The following ANO10 variants were observed in gnomAD, a reference collection of about 807,000 sequenced individuals.
ANO10 encodes the protein anoctamin 10, also known as anoctamin-10.
In ANO10, 77 loss-of-function variants were observed where a neutral mutation model predicts 74.7. The ratio of observed to expected loss-of-function variants is 1.03; its 90% CI spans 0.86 to 1.25. ANO10 has a LOEUF of 1.25. Ranked by LOEUF, ANO10 falls within the 50% of genes most tolerant of loss-of-function variation. ANO10 has a pLI of 0.00. For synonymous variants in ANO10, 279 were observed against 284.9 expected (o/e 0.98, Z 0.21); for missense variants, 721 against 778.1 (o/e 0.93, Z 0.87).
chr3:43,460,028 C>G (rs1014979365), intron 11 of ANO10, among the ~76,000 whole-genome samples: 2 of 152,036 alleles, frequency 1.3e-5, no homozygotes, highest in African/African-American at 4.8e-5. Context: ...CTCTCATATC[C>G]ATTTGGAGAG....
At chr3:43,558,933 C>T (rs1048991078) in intron 9 of ANO10, among the ~76,000 whole-genome samples, 2 of 152,156 alleles carry the variant, frequency 1.3e-5, no homozygotes, top group Non-Finnish European at 2.9e-5. Flanking sequence ...GCACTGTAAA[C>T]CCTAGAGTTC....
chr3:43,434,888 A>T (rs532215696), intron 11 of ANO10, among the ~76,000 whole-genome samples: 5 of 152,244 alleles, frequency 3.3e-5, no homozygotes, highest in Non-Finnish European at 5.9e-5. Flanking sequence ...TGCCATTTTA[A>T]ACATTTGCAT....
At chr3:43,620,687 C>T (rs1438810407) in intron 1 of ANO10, among the ~76,000 whole-genome samples, 2 of 152,142 alleles carry the variant, frequency 1.3e-5, no homozygotes, top group African/African-American at 4.8e-5. Context: ...ATCGCTTGAA[C>T]CCGAGAGGCG....
intron 12 of ANO10, among the ~76,000 whole-genome samples, chr3:43,387,215 T>C (rs1435891007): frequency 6.6e-6 from 1 of 152,198 alleles, no homozygotes; most frequent in African/African-American, 2.4e-5. Flanking sequence ...ATATGGGAAG[T>C]ATCTGTGTAT....
chr3:43,554,244 A>C (rs1224427032), intron 10 of ANO10, among the ~76,000 whole-genome samples: 1 of 139,402 alleles, frequency 7.2e-6, no homozygotes, highest in African/African-American at 2.7e-5. Flanking sequence ...CCCAGGCTGG[A>C]GTGTAATGAT....
intron 1 of ANO10, among the ~76,000 whole-genome samples, chr3:43,679,151 A>C (rs576443728): frequency 6.6e-6 from 1 of 152,328 alleles, no homozygotes; most frequent in Non-Finnish European, 1.5e-5. Context: ...GCATCGCCTC[A>C]CCTGGGAAGC....
intron 1 of ANO10, among the ~76,000 whole-genome samples, chr3:43,682,301 C>T (rs2084212461): frequency 6.6e-6 from 1 of 152,154 alleles, no homozygotes; most frequent in African/African-American, 2.4e-5. Flanking sequence ...AATATAAACA[C>T]CCGTATGCAA....
At chr3:43,401,597 T>C (rs888515230) in intron 12 of ANO10, among the ~76,000 whole-genome samples, 31 of 152,364 alleles carry the variant, frequency 2.0e-4, no homozygotes, top group African/African-American at 7.2e-4. Context: ...AAATGAACTA[T>C]TATGAAATAT....
chr3:43,586,297 C>T (rs561534334), intron 4 of ANO10, among the ~76,000 whole-genome samples: 1 of 152,104 alleles, frequency 6.6e-6, no homozygotes, highest in Non-Finnish European at 1.5e-5. Flanking sequence ...AGCTGTGGAG[C>T]TGTGGGTCTT....
chr3:43,399,606 CTCTG>C (rs1169828221), intron 12 of ANO10, among the ~76,000 whole-genome samples: 7 of 152,174 alleles, frequency 4.6e-5, no homozygotes, highest in Admixed American at 3.3e-4. Context: ...CAGAGGTTTG[CTCTG>C]TCTTTGTCCC....
Position 43,650,624 on chromosome 3 carries a change from G to A in ANO10, c.-12+40893C>T, listed in dbSNP as rs189639464. Among the ~76,000 whole-genome samples, 6 of 152,322 alleles carry A rather than the reference G, an allele frequency of 3.9e-5. No individual in the cohort carries two copies. The East Asian group carries it at 1.2e-3, about 29-fold the overall frequency. ...TATTACCAAAGGATTTCTGGGTCAG[G>A]ATTAGAGCAGAGCTTAGGGAAAAGC... On this transcript the variant is annotated intron_variant, in intron 1 of 3. Transcript: ENST00000413397.
intron 11 of ANO10, among the ~76,000 whole-genome samples, chr3:43,483,621 T>C (rs1193510134): frequency 6.6e-6 from 1 of 152,240 alleles, no homozygotes; most frequent in Non-Finnish European, 1.5e-5. Flanking sequence ...TCAAGAGGTT[T>C]ATCCTGAGCC....
At chr3:43,483,146 C>T (rs1373590804) in intron 11 of ANO10, among the ~76,000 whole-genome samples, 13 of 152,198 alleles carry the variant, frequency 8.5e-5, no homozygotes. Context: ...TCAAATGCCA[C>T]AAGGCAGGAA....
chr3:43,369,703 C>A (rs139905275), intron 12 of ANO10, among the ~76,000 whole-genome samples: 54 of 152,266 alleles, frequency 3.5e-4, no homozygotes, highest in Middle Eastern at 3.4e-3. Flanking sequence ...GGGCTCAGCT[C>A]GACTCCCTGG....
intron 11 of ANO10, among the ~76,000 whole-genome samples, chr3:43,518,842 G>C (rs947843086): frequency 6.6e-6 from 1 of 152,096 alleles, no homozygotes; most frequent in Non-Finnish European, 1.5e-5. Flanking sequence ...ATGATAATGC[G>C]TGTCCAGTGG....
At position 43,577,052 on chromosome 3, in the gene ANO10, T is replaced by C. The variant is rs372215383; in HGVS notation, c.802A>G (p.Met268Val). The change falls in exon 6 of 13, where the codon ATG becomes GTG. Residue 268 changes from methionine (M) to valine (V), a missense_variant. Met to Val is a conservative substitution (Grantham distance 21). Coordinates refer to ENST00000292246, the MANE Select transcript of ANO10 (RefSeq NM_018075.5). ...AGCAGTGTCCCCCACCTGTAGGTCATGTTGGCACAGCCACGCTTCCACAGT... is the reference window on the plus strand; with the variant it reads ...AGCAGTGTCCCCCACCTGTAGGTCACGTTGGCACAGCCACGCTTCCACAGT... ...LELWKRGCAN[M>V]TYRWGTLLMK... 18 of 1,614,092 alleles carry C rather than the reference T, an allele frequency of 1.1e-5. No individual in the cohort carries two copies. The highest frequency in any genetic ancestry group is 1.6e-4 in the Middle Eastern group (1 of 6,084).
At chr3:43,495,223 T>A (rs747735548) in intron 11 of ANO10, among the ~76,000 whole-genome samples, 14 of 151,884 alleles carry the variant, frequency 9.2e-5, no homozygotes, top group South Asian at 4.2e-4. Context: ...AAAATAATTT[T>A]AAAAAAACAA....
intron 6 of ANO10, among the ~76,000 whole-genome samples, chr3:43,575,843 T>A (rs1416189858): frequency 6.6e-6 from 1 of 152,162 alleles, no homozygotes. Context: ...TTCACCATAT[T>A]GGCCAGGCTG....
chr3:43,544,236 G>GT (rs1426411908), intron 11 of ANO10, among the ~76,000 whole-genome samples: 2 of 152,052 alleles, frequency 1.3e-5, no homozygotes, highest in Admixed American at 6.6e-5. Flanking sequence ...GACACCGCCA[G>GT]TATTTATTTT....
Sources: allele counts gnomAD v4.1 joint callset (sites outside exome capture counted in the v4.1 genomes callset), GRCh38; gene constraint gnomAD v4.1.1; transcripts MANE v1.5; gene names NCBI Gene and HGNC (gene_info 2026-07-23, HGNC 2026-07-21).